Variants in PIK3AP1 observed in about 807,000 individuals in gnomAD.
The protein encoded by PIK3AP1 is phosphoinositide 3-kinase adapter protein 1.
A neutral mutation model predicts 88.1 loss-of-function variants in PIK3AP1; 21 were observed. The ratio of observed to expected loss-of-function variants is 0.24; its 90% CI spans 0.17 to 0.34. PIK3AP1 has a LOEUF of 0.34. Among genes scored for constraint, PIK3AP1 ranks in the 10% least tolerant of loss-of-function variants. The pLI, the probability that PIK3AP1 is intolerant of heterozygous loss-of-function variation, is 1.00. For synonymous variants in PIK3AP1, 398 were observed against 400.0 expected (o/e 1.00, Z 0.06); for missense variants, 828 against 1,035.7 (o/e 0.80, Z 2.75).
At chr10:96,712,883 C>T (rs983224110) in intron 1 of PIK3AP1, among the ~76,000 whole-genome samples, 4 of 152,150 alleles carry the variant, frequency 2.6e-5, no homozygotes, top group African/African-American at 7.2e-5. Context: ...CATACATATG[C>T]GTATCATGTC....
At chr10:96,653,061 T>C (rs1443847855) in intron 3 of PIK3AP1, among the ~76,000 whole-genome samples, 1 of 151,828 alleles carries the variant, frequency 6.6e-6, no homozygotes, top group Non-Finnish European at 1.5e-5. Context: ...AGCAATTGGA[T>C]GGAGTCATTT....
chr10:96,677,388 C>T (rs566393977), intron 2 of PIK3AP1, among the ~76,000 whole-genome samples: 2 of 152,178 alleles, frequency 1.3e-5, no homozygotes, highest in Admixed American at 6.5e-5. Flanking sequence ...ACTCATATCC[C>T]GAGGTCAACT....
chr10:96,658,745 A>C (rs913666566), intron 2 of PIK3AP1, among the ~76,000 whole-genome samples: 2 of 152,176 alleles, frequency 1.3e-5, no homozygotes, highest in African/African-American at 4.8e-5. Flanking sequence ...ATGCTACTCC[A>C]GAATGCCTGT....
Position 96,656,953 on chromosome 10 carries a change from C to T in PIK3AP1, c.431-19G>A, listed in dbSNP as rs776012378. The T allele has an allele frequency of 1.2e-5, 19 of 1,611,830 alleles. No homozygotes were observed. The highest frequency in any genetic ancestry group is 1.7e-4 in the Middle Eastern group (1 of 6,050). On this transcript the variant is annotated intron_variant, in intron 2 of 16. Transcript: ENST00000339364. ...CCAGAATCTACAAAATAGAGGACAC[C>T]GCTGAATGGGAACGGCAGGAAGGAG...
At chr10:96,707,623 G>A (rs1356670806) in intron 2 of PIK3AP1, among the ~76,000 whole-genome samples, 3 of 152,090 alleles carry the variant, frequency 2.0e-5, no homozygotes, top group Non-Finnish European at 4.4e-5. Context: ...AGAACAATCT[G>A]TTACAGCGTA....
chr10:96,687,210 A>C (rs1844081412), intron 2 of PIK3AP1, among the ~76,000 whole-genome samples: 1 of 138,426 alleles, frequency 7.2e-6, no homozygotes, highest in Admixed American at 7.9e-5. Flanking sequence ...GAGCCGAGAC[A>C]GCGCCACCGC....
rs1464860252 is a variant in PIK3AP1, at chr10:96,628,515, G to C, written c.1376-22C>G. 7 of 1,564,340 alleles carry C rather than the reference G, an allele frequency of 4.5e-6. No homozygotes were observed. The Admixed American group carries it at 5.0e-5, about 11-fold the overall frequency. On this transcript the variant is annotated intron_variant, in intron 8 of 16. Coordinates refer to ENST00000339364, the MANE Select transcript of PIK3AP1 (RefSeq NM_152309.3). ...ACATCTAGAAGGAAAAGGAGACTAAGAGTTATATATTGGTCTCCTCCACAG... is the reference window on the plus strand; with the variant it reads ...ACATCTAGAAGGAAAAGGAGACTAACAGTTATATATTGGTCTCCTCCACAG...
At chr10:96,635,683 T>A (rs1843302555) in intron 8 of PIK3AP1, among the ~76,000 whole-genome samples, 1 of 152,132 alleles carries the variant, frequency 6.6e-6, no homozygotes, top group South Asian at 2.1e-4. Flanking sequence ...GACAGGAGGA[T>A]CACCTGACGT....
intron 4 of PIK3AP1, 53 bp downstream of exon 4, chr10:96,652,645 T>C (rs185372648): frequency 5.6e-6 from 9 of 1,593,616 alleles, no homozygotes; most frequent in East Asian, 2.2e-5. Flanking sequence ...GGTGACAGCA[T>C]AGCAAATAAG....
At chr10:96,682,005 TATATATATAG>T (rs1255703067) in intron 2 of PIK3AP1, among the ~76,000 whole-genome samples, 1 of 124,948 alleles carries the variant, frequency 8.0e-6, no homozygotes, top group Admixed American at 7.4e-5. Context: ...TATATATATA[TATATATATAG>T]AGAGAGAGAG....
intron 2 of PIK3AP1, among the ~76,000 whole-genome samples, chr10:96,689,868 G>A (rs1844128268): frequency 6.6e-6 from 1 of 152,022 alleles, no homozygotes; most frequent in East Asian, 1.9e-4. Context: ...CACTGCCCCT[G>A]CTCAGCGCAG....
At chr10:96,657,796 G>A (rs149761976) in intron 2 of PIK3AP1, among the ~76,000 whole-genome samples, 14 of 152,272 alleles carry the variant, frequency 9.2e-5, no homozygotes, top group Non-Finnish European at 1.6e-4. Flanking sequence ...AGGGCTGGGC[G>A]TGGTGGCCTA....
At chr10:96,603,935 C>T (rs775023696) in intron 15 of PIK3AP1, 44 bp downstream of exon 15, 53 of 1,481,398 alleles carry the variant, frequency 3.6e-5, no homozygotes, top group South Asian at 2.1e-4. Flanking sequence ...TGCGATGAAA[C>T]GACCCCTAGG....
At chr10:96,607,510 C>T (rs1849022270) in intron 14 of PIK3AP1, among the ~76,000 whole-genome samples, 2 of 151,870 alleles carry the variant, frequency 1.3e-5, no homozygotes, top group African/African-American at 4.8e-5. Context: ...CCTAGTCAAC[C>T]TCCCGCCCAG....
chr10:96,679,872 A>G (rs2134262250), intron 2 of PIK3AP1, among the ~76,000 whole-genome samples: 1 of 152,314 alleles, frequency 6.6e-6, no homozygotes, highest in South Asian at 2.1e-4. Context: ...ACGAGCATGG[A>G]ACAGAAACTC....
At chr10:96,616,189 G>T (rs920843377) in intron 13 of PIK3AP1, among the ~76,000 whole-genome samples, 1 of 152,180 alleles carries the variant, frequency 6.6e-6, no homozygotes, top group Admixed American at 6.5e-5. Context: ...TGCTACACCT[G>T]GGGCATGGGC....
At chr10:96,595,672 A>C (rs1848742260) in intron 16 of PIK3AP1, 38 bp from the exon 17 acceptor site, 1 of 1,599,290 alleles carries the variant, frequency 6.3e-7, no homozygotes, top group East Asian at 2.2e-5. Context: ...TTAAAAACTA[A>C]TTTGATTAAA....
chr10:96,710,096 C>T, intron 1 of PIK3AP1, 113 bp from the exon 2 acceptor site: 8 of 1,041,188 alleles, frequency 7.7e-6, no homozygotes, highest in Non-Finnish European at 1.1e-5. Flanking sequence ...CACAATCTTT[C>T]GTGGTGTGCC....
intron 8 of PIK3AP1, among the ~76,000 whole-genome samples, chr10:96,640,653 T>C (rs1843371839): frequency 6.6e-6 from 1 of 152,002 alleles, no homozygotes; most frequent in Non-Finnish European, 1.5e-5. Context: ...TTTAAATATG[T>C]GGGGTCTTTT....
Sources: gnomAD v4.1 joint callset for allele counts (sites outside exome capture counted in the v4.1 genomes callset) on GRCh38, gnomAD v4.1.1 for gene constraint, MANE v1.5 for transcripts, NCBI Gene and HGNC (gene_info 2026-07-23, HGNC 2026-07-21) for gene names.